RABGAP1: variants seen among roughly 807,000 people sequenced by gnomAD.
The protein encoded by RABGAP1 is rab GTPase-activating protein 1.
Under a neutral mutation model 137.6 loss-of-function variants are expected in RABGAP1, and 23 were observed. The ratio of observed to expected loss-of-function variants is 0.17; its 90% CI spans 0.12 to 0.24. The LOEUF (loss-of-function observed/expected upper bound fraction) is 0.24, where lower values mean the gene tolerates loss of function less well. Ranked by LOEUF, RABGAP1 falls within the 10% of genes least tolerant of loss-of-function variation. RABGAP1 has a pLI of 1.00. For synonymous variants in RABGAP1, 451 were observed against 450.7 expected (o/e 1.00, Z -0.01); for missense variants, 906 against 1,275.8 (o/e 0.71, Z 4.42).
At chr9:123,062,929 C>T (rs1000297872) in intron 13 of RABGAP1, among the ~76,000 whole-genome samples, 5 of 152,202 alleles carry the variant, frequency 3.3e-5, no homozygotes, top group Non-Finnish European at 5.9e-5. Context: ...GCTGGGATTA[C>T]AGGCACCTGC....
chr9:123,059,432 G>GT (rs1423633517), intron 13 of RABGAP1, among the ~76,000 whole-genome samples: 2 of 152,144 alleles, frequency 1.3e-5, no homozygotes, highest in African/African-American at 4.8e-5. Context: ...GCGGGCACCT[G>GT]TAGTCCCAGC....
chr9:123,074,660 A>ATTAGT (rs1345647845), intron 17 of RABGAP1, among the ~76,000 whole-genome samples: 2 of 152,228 alleles, frequency 1.3e-5, no homozygotes, highest in African/African-American at 4.8e-5. Flanking sequence ...ATTAGTTCAT[A>ATTAGT]TTAGTTTTGG....
chr9:123,029,681 T>G, intron 13 of RABGAP1: 1 of 682,208 alleles, frequency 1.5e-6, no homozygotes, highest in Non-Finnish European at 2.8e-6. Flanking sequence ...CCCCCGGGTT[T>G]GTTCACTGGG....
At chr9:122,946,138 C>G (rs962931523) in intron 1 of RABGAP1, 1 of 152,086 alleles carries the variant, frequency 6.6e-6, no homozygotes, top group Non-Finnish European at 1.5e-5. Context: ...TACGAGATAG[C>G]ATACTGGAAG....
At chr9:123,039,947 T>C (rs1055007698) in intron 13 of RABGAP1, among the ~76,000 whole-genome samples, 12 of 152,194 alleles carry the variant, frequency 7.9e-5, no homozygotes, top group African/African-American at 2.9e-4. Flanking sequence ...GAAAGAAGTA[T>C]TTCCTTGATA....
chr9:123,061,478 T>A (rs2033969823), intron 13 of RABGAP1, among the ~76,000 whole-genome samples: 1 of 152,234 alleles, frequency 6.6e-6, no homozygotes, highest in African/African-American at 2.4e-5. Context: ...TTACATATTG[T>A]CTATGGCTGC....
intron 13 of RABGAP1, among the ~76,000 whole-genome samples, chr9:123,058,780 A>C (rs1249845498): frequency 6.6e-6 from 1 of 152,216 alleles, no homozygotes; most frequent in Non-Finnish European, 1.5e-5. Context: ...AGAAATATAA[A>C]CACAAGGAAG....
At chr9:122,985,902 A>C (rs1746265797) in intron 3 of RABGAP1, among the ~76,000 whole-genome samples, 1 of 152,202 alleles carries the variant, frequency 6.6e-6, no homozygotes, top group Admixed American at 6.5e-5. Context: ...TAATTCAAAA[A>C]CTGAAATGCC....
chr9:123,060,989 ATCT>A (rs1444591856), intron 13 of RABGAP1, among the ~76,000 whole-genome samples: 3 of 152,256 alleles, frequency 2.0e-5, no homozygotes, highest in Admixed American at 6.5e-5. Flanking sequence ...CATAACAAAA[ATCT>A]TCTCTCTGGT....
chr9:123,018,460 T>A (rs2031394504), intron 12 of RABGAP1, among the ~76,000 whole-genome samples: 3 of 152,250 alleles, frequency 2.0e-5, no homozygotes, highest in Admixed American at 1.3e-4. Flanking sequence ...TACTCAGTTC[T>A]ACTATTGTAA....
At chr9:123,041,929 C>G (rs111395350) in intron 13 of RABGAP1, among the ~76,000 whole-genome samples, 134 of 152,154 alleles carry the variant, frequency 8.8e-4, no homozygotes, top group African/African-American at 3.0e-3. Context: ...TACTCCTCTT[C>G]CCCATCCCAC....
At chr9:122,960,807 GAATATT>G (rs1197650147) in intron 2 of RABGAP1, among the ~76,000 whole-genome samples, 4 of 152,064 alleles carry the variant, frequency 2.6e-5, no homozygotes, top group African/African-American at 4.8e-5. Flanking sequence ...ATGAAACAGA[GAATATT>G]AATAACGAGA....
At position 123,101,620 on chromosome 9, in the gene RABGAP1, G is replaced by A. The variant is rs754506974; in HGVS notation, c.2944G>A (p.Val982Ile). ...GGAATTTTTCAACAAAGAAGGGCGTGTAAAAGGCATAAGCTCAACCAAGGA... is the reference window on the plus strand; with the variant it reads ...GGAATTTTTCAACAAAGAAGGGCGTATAAAAGGCATAAGCTCAACCAAGGA... ...CREFFNKEGR[V>I]KGISSTKEVL... Residue 982 changes from valine (V) to isoleucine (I), a missense_variant, in exon 25 of 26, where the codon GTA becomes ATA. Coordinates refer to ENST00000373647, the MANE Select transcript of RABGAP1 (RefSeq NM_012197.4). 13 of 1,614,150 alleles carry A rather than the reference G, an allele frequency of 8.1e-6. No homozygotes were observed. In the South Asian group the frequency reaches 1.3e-4, roughly 16 times the overall value.
At chr9:123,089,165 C>T (rs1433267031) in intron 19 of RABGAP1, among the ~76,000 whole-genome samples, 2 of 152,026 alleles carry the variant, frequency 1.3e-5, no homozygotes, top group East Asian at 1.9e-4. Flanking sequence ...AGATAACTGT[C>T]TGTTTGAAAG....
Position 123,038,746 on chromosome 9 carries a change from A to G in RABGAP1, c.1794+18287A>G, listed in dbSNP as rs542808794. On this transcript the variant is annotated intron_variant, in intron 13 of 25. Coordinates refer to ENST00000373647, the MANE Select transcript of RABGAP1 (RefSeq NM_012197.4). ...GAAGAAAAAAATATTAAGTATTTAT[A>G]TTAAATTTATATATTATTAATATTA... 7.1e-4 allele frequency among the ~76,000 whole-genome samples: 107 copies of G among 151,282 alleles called. No individual in the cohort carries two copies. The South Asian group carries it at 0.021, about 29-fold the overall frequency.
At chr9:123,031,398 G>A (rs550018242) in intron 13 of RABGAP1, among the ~76,000 whole-genome samples, 19 of 152,296 alleles carry the variant, frequency 1.2e-4, no homozygotes, top group Admixed American at 9.2e-4. Flanking sequence ...AGGTTATTTG[G>A]GGGAAGTAAA....
intron 13 of RABGAP1, chr9:123,034,472 A>T: frequency 1.3e-6 from 1 of 764,394 alleles, no homozygotes; most frequent in South Asian, 1.7e-5. Context: ...TATTACACAC[A>T]TGCAAAGCTG....
intron 13 of RABGAP1, among the ~76,000 whole-genome samples, chr9:123,024,530 C>G: frequency 6.6e-6 from 1 of 152,004 alleles, no homozygotes; most frequent in African/African-American, 2.4e-5. Context: ...ACCTCCGCCT[C>G]CCGGGTTCAA....
intron 21 of RABGAP1, among the ~76,000 whole-genome samples, chr9:123,096,383 A>G (rs1056496096): frequency 6.7e-6 from 1 of 150,028 alleles, no homozygotes; most frequent in Non-Finnish European, 1.5e-5. Context: ...TGGACTGGCT[A>G]TAGAAATGTC....
Sources: allele counts gnomAD v4.1 joint callset (sites outside exome capture counted in the v4.1 genomes callset), GRCh38; gene constraint gnomAD v4.1.1; transcripts MANE v1.5; gene names NCBI Gene and HGNC (gene_info 2026-07-23, HGNC 2026-07-21).